Variants in FAT3 observed in about 807,000 individuals in gnomAD.
FAT3 encodes the protein FAT atypical cadherin 3, also known as protocadherin Fat 3.
A neutral mutation model predicts 310.2 loss-of-function variants in FAT3; 95 were observed. The observed-to-expected ratio is 0.31, with a 90% confidence interval of 0.26 to 0.36. The LOEUF (loss-of-function observed/expected upper bound fraction) is 0.36. Ranked by LOEUF, FAT3 falls within the 10% of genes least tolerant of loss-of-function variation. The pLI is 1.00. For missense variants in FAT3, 5,408 were observed against 5,715.6 expected, an observed-to-expected ratio of 0.95 and a Z score of 1.74; for synonymous variants, 2,314 against 2,192.9, an observed-to-expected ratio of 1.06 and a Z score of -1.54.
chr11:92,838,845 G>A (rs954930879), intron 17 of FAT3, among the ~76,000 whole-genome samples: 1 of 152,172 alleles, frequency 6.6e-6, no homozygotes, highest in African/African-American at 2.4e-5. Context: ...CAGCCTTGAA[G>A]GAAGCAGCTG....
At chr11:92,531,448 G>C (rs941947404) in intron 3 of FAT3, among the ~76,000 whole-genome samples, 2 of 152,082 alleles carry the variant, frequency 1.3e-5, no homozygotes, top group East Asian at 1.9e-4. Context: ...GCTGGGTCAG[G>C]GTGGGCCATC....
In FAT3 at chr11:92,256,403, T is replaced by C. The variant is rs1238325208; in HGVS notation, c.-18+31229T>C. On this transcript the variant is annotated intron_variant, in intron 1 of 27. Coordinates refer to ENST00000525166, the MANE Select transcript of FAT3 (RefSeq NM_001367949.2). The stretch of plus-strand genomic sequence containing the variant: ...CAGTGATCACAATTGTTTATATATA[T>C]ATATATGAAAAATATATGAAAAAAT... 2.0e-5 allele frequency among the ~76,000 whole-genome samples: 3 copies of C among 151,908 alleles called. No homozygotes were observed. In the East Asian group the frequency reaches 5.8e-4, roughly 29 times the overall value.
At chr11:92,769,793 C>G (rs1046418571) in intron 6 of FAT3, among the ~76,000 whole-genome samples, 2 of 152,218 alleles carry the variant, frequency 1.3e-5, no homozygotes, top group African/African-American at 4.8e-5. Context: ...GCTGCTTTGA[C>G]CCTTCATTTG....
At chr11:92,574,084 G>A (rs1442649027) in intron 3 of FAT3, among the ~76,000 whole-genome samples, 3 of 152,154 alleles carry the variant, frequency 2.0e-5, no homozygotes, top group Admixed American at 2.0e-4. Flanking sequence ...GGCCTCAAGA[G>A]GGAAGAGAAA....
intron 2 of FAT3, among the ~76,000 whole-genome samples, chr11:92,378,981 T>C (rs1453374601): frequency 1.3e-5 from 2 of 152,132 alleles, no homozygotes; most frequent in Non-Finnish European, 2.9e-5. Flanking sequence ...TATTATCACC[T>C]TGGGGGTTAC....
intron 2 of FAT3, among the ~76,000 whole-genome samples, chr11:92,493,755 C>T (rs142102627): frequency 1.3e-5 from 2 of 152,150 alleles, no homozygotes; most frequent in Admixed American, 6.6e-5. Context: ...GAGAAGGAAG[C>T]AAAAGGGACT....
chr11:92,546,608 G>A (rs1954625147), intron 3 of FAT3, among the ~76,000 whole-genome samples: 1 of 152,168 alleles, frequency 6.6e-6, no homozygotes, highest in Admixed American at 6.5e-5. Context: ...TTAAAAAAAT[G>A]ACCGTACATA....
intron 1 of FAT3, among the ~76,000 whole-genome samples, chr11:92,320,759 A>G (rs375762120): frequency 2.0e-4 from 30 of 151,872 alleles, no homozygotes; most frequent in African/African-American, 6.3e-4. Context: ...AATCCCAGGT[A>G]CTTGAGAGGC....
At chr11:92,856,071 T>C (rs1251541190) in intron 19 of FAT3, among the ~76,000 whole-genome samples, 1 of 151,784 alleles carries the variant, frequency 6.6e-6, no homozygotes, top group Non-Finnish European at 1.5e-5. Flanking sequence ...ACCTCAAATT[T>C]CTGACCTTAA....
Position 92,866,989 on chromosome 11 carries a change from C to T in FAT3, c.11907C>T (p.Ser3969=). 6.2e-7 allele frequency: 1 copy of T among 1,610,680 alleles called. No homozygotes were observed. The highest frequency in any genetic ancestry group is 1.1e-5 in the South Asian group (1 of 90,386). ...GALVQADNIR[S]LTDTRVTQVL... is the part of the protein sequence containing the mutation. ...TGGTGCAAGCGGATAACATCCGCAGCCTGACTGACACGCGGGTCACGCAGG... is the reference window on the plus strand; with the variant it reads ...TGGTGCAAGCGGATAACATCCGCAGTCTGACTGACACGCGGGTCACGCAGG... Residue 3969 remains serine, a synonymous_variant, in exon 22 of 28, where the codon AGC becomes AGT. Coordinates refer to ENST00000525166, the MANE Select transcript of FAT3 (RefSeq NM_001367949.2).
At chr11:92,229,020 A>G (rs1427556770) in intron 1 of FAT3, among the ~76,000 whole-genome samples, 1 of 152,194 alleles carries the variant, frequency 6.6e-6, no homozygotes, top group African/African-American at 2.4e-5. Flanking sequence ...TGTGGCAAAC[A>G]TTAGAATTGG....
chr11:92,603,294 T>A (rs2135594240), intron 3 of FAT3, among the ~76,000 whole-genome samples: 1 of 152,330 alleles, frequency 6.6e-6, no homozygotes, highest in South Asian at 2.1e-4. Flanking sequence ...TCATAGTAAC[T>A]TCTGCTTCTT....
Position 92,799,822 on chromosome 11 carries a change from A to C in FAT3, c.6809A>C (p.Glu2270Ala), listed in dbSNP as rs765518543. The C allele has an allele frequency of 1.2e-6, 2 of 1,613,382 alleles. No individual in the cohort carries two copies. Among genetic ancestry groups the C allele is most frequent in the Non-Finnish European group, 1.7e-6 (2 of 1,179,652 alleles). Residue 2270 changes from glutamate (E) to alanine (A), a missense_variant, in exon 10 of 28, where the codon GAA becomes GCA. By Grantham distance (107) the Glu-to-Ala change is moderately radical. Coordinates refer to ENST00000525166, the MANE Select transcript of FAT3 (RefSeq NM_001367949.2). ...ASDALTGARAEVTVDLLVNDV... is the reference protein window; with the variant it reads ...ASDALTGARAAVTVDLLVNDV... The stretch of plus-strand genomic sequence containing the variant: ...GACGCCCTTACTGGTGCTAGGGCTG[A>C]AGTCACTGTTGACTTGCTAGTTAAT...
chr11:92,637,535 C>A (rs756694777), intron 3 of FAT3, among the ~76,000 whole-genome samples: 34 of 152,198 alleles, frequency 2.2e-4, no homozygotes, highest in South Asian at 4.1e-4. Context: ...ATCTCTCTGT[C>A]ATTAATGGCA....
chr11:92,616,099 T>C (rs1404129753), intron 3 of FAT3, among the ~76,000 whole-genome samples: 1 of 152,196 alleles, frequency 6.6e-6, no homozygotes, highest in African/African-American at 2.4e-5. Flanking sequence ...CCATTGTTAT[T>C]GTGTGAGAGT....
chr11:92,596,865 G>T (rs78374775), intron 3 of FAT3, among the ~76,000 whole-genome samples: 4,191 of 152,242 alleles, frequency 0.028, 210 homozygotes, highest in African/African-American at 0.095. Flanking sequence ...CTAAGAGTTT[G>T]TGAATTTCTT....
chr11:92,288,261 G>A (rs1320695572), intron 1 of FAT3, among the ~76,000 whole-genome samples: 1 of 152,168 alleles, frequency 6.6e-6, no homozygotes, highest in East Asian at 1.9e-4. Context: ...TATACAATCA[G>A]TGACATGATG....
intron 17 of FAT3, among the ~76,000 whole-genome samples, 174 bp downstream of exon 17, chr11:92,837,980 G>A (rs34321934): frequency 0.31 from 47,180 of 152,058 alleles, 8,195 homozygotes; most frequent in South Asian, 0.5. Context: ...ATAAATGTGA[G>A]TAAGAGCTAT....
At chr11:92,319,223 T>C (rs1947544880) in intron 1 of FAT3, among the ~76,000 whole-genome samples, 1 of 152,170 alleles carries the variant, frequency 6.6e-6, no homozygotes, top group African/African-American at 2.4e-5. Context: ...ATAAAAGTCT[T>C]CCCCTACGTT....
Sources: gnomAD v4.1 joint callset for allele counts (sites outside exome capture counted in the v4.1 genomes callset) on GRCh38, gnomAD v4.1.1 for gene constraint, MANE v1.5 for transcripts, NCBI Gene and HGNC (gene_info 2026-07-23, HGNC 2026-07-21) for gene names.